The following ATP9B variants were observed in gnomAD, a reference collection of about 807,000 sequenced individuals.
The protein encoded by ATP9B is probable phospholipid-transporting ATPase IIB.
ATP9B carries 110 observed loss-of-function variants against 146.1 expected under a neutral mutation model. That is an observed-to-expected ratio of 0.75 (90% CI 0.65 to 0.88). The LOEUF is 0.88. Ranked by LOEUF, ATP9B falls within the 40% of genes least tolerant of loss-of-function variation. The probability of loss-of-function intolerance (pLI) is 0.00; values close to 1 mark genes in which losing one functional copy is unlikely to be tolerated. For synonymous variants in ATP9B, 604 were observed against 569.7 expected (o/e 1.06, Z -0.86); for missense variants, 1,499 against 1,496.4 (o/e 1.00, Z -0.03).
intron 10 of ATP9B, among the ~76,000 whole-genome samples, chr18:79,212,421 A>G (rs1424579433): frequency 6.6e-6 from 1 of 152,254 alleles, no homozygotes; most frequent in Admixed American, 6.5e-5. Flanking sequence ...CACTTTGCTC[A>G]TCAGTCAACC....
intron 22 of ATP9B, 92 bp downstream of exon 22, chr18:79,345,664 G>A (rs2096882189): frequency 1.3e-6 from 2 of 1,598,814 alleles, no homozygotes; most frequent in Non-Finnish European, 1.7e-6. Context: ...TCTAAAACTA[G>A]ATTGATTTCA....
intron 1 of ATP9B, among the ~76,000 whole-genome samples, chr18:79,084,237 A>G (rs187237271): frequency 7.6e-4 from 116 of 152,068 alleles, no homozygotes; most frequent in African/African-American, 2.7e-3. Flanking sequence ...TGTCCAAAAG[A>G]AAGTTTGTAC....
chr18:79,253,296 T>A (rs2096048357), intron 11 of ATP9B, 85 bp from the exon 12 acceptor site: 6 of 1,246,792 alleles, frequency 4.8e-6, no homozygotes, highest in Non-Finnish European at 6.6e-6. Context: ...GTTTTTTTTT[T>A]ATGTCATCAC....
intron 15 of ATP9B, among the ~76,000 whole-genome samples, chr18:79,313,072 G>A (rs770302445): frequency 1.6e-4 from 24 of 152,212 alleles, no homozygotes; most frequent in Admixed American, 7.9e-4. Context: ...CGATTGTTAA[G>A]CTTCCTTTAG....
chr18:79,178,944 T>C (rs2095216615), intron 8 of ATP9B, among the ~76,000 whole-genome samples: 1 of 152,230 alleles, frequency 6.6e-6, no homozygotes, highest in Admixed American at 6.5e-5. Flanking sequence ...CGTTATTTAT[T>C]TTTTAAATGT....
intron 26 of ATP9B, 97 bp downstream of exon 26, chr18:79,359,559 C>T (rs1188825510): frequency 2.2e-6 from 2 of 914,870 alleles, no homozygotes; most frequent in Non-Finnish European, 3.5e-6. Context: ...CATTTCCAGG[C>T]ATTTTGTGAA....
At chr18:79,093,183 G>A (rs958344747) in intron 1 of ATP9B, among the ~76,000 whole-genome samples, 1 of 152,106 alleles carries the variant, frequency 6.6e-6, no homozygotes, top group African/African-American at 2.4e-5. Flanking sequence ...ATTATGCAGC[G>A]ATTAACTGTT....
At chr18:79,163,770 G>T (rs969574122) in intron 7 of ATP9B, among the ~76,000 whole-genome samples, 1 of 151,470 alleles carries the variant, frequency 6.6e-6, no homozygotes, top group Non-Finnish European at 1.5e-5. Context: ...TATAATATAT[G>T]TCTCTAAAAT....
rs1413577987 is a variant in ATP9B, at chr18:79,113,205, G to C, written c.445-36G>C. 2.4e-6 allele frequency: 3 copies of C among 1,265,340 alleles called. No individual in the cohort carries two copies. The Admixed American group carries it at 6.0e-5, about 25-fold the overall frequency. 78.4% of individuals were successfully genotyped at this position (1,265,340 alleles called of 1,614,324 possible). A position where few individuals can be genotyped will look rare whatever the true frequency, so the allele number is the denominator to read the frequency against. On this transcript the variant is annotated intron_variant, in intron 3 of 29. Coordinates refer to ENST00000426216, the MANE Select transcript of ATP9B (RefSeq NM_198531.5). The stretch of plus-strand genomic sequence containing the variant: ...ATTTAGGTATTAAAATTTTTTCCTT[G>C]AAGGAATTTTGTTAATTTTCTCTTT...
chr18:79,290,300 C>T (rs1353970196), intron 13 of ATP9B, among the ~76,000 whole-genome samples: 2 of 152,208 alleles, frequency 1.3e-5, no homozygotes, highest in African/African-American at 2.4e-5. Context: ...CTTTGTTTAC[C>T]TAAGCAAGCC....
intron 8 of ATP9B, among the ~76,000 whole-genome samples, chr18:79,191,122 C>T (rs771377512): frequency 6.6e-6 from 1 of 152,088 alleles, no homozygotes; most frequent in Non-Finnish European, 1.5e-5. Context: ...AGTCTGCCTT[C>T]CACACCCTCC....
intron 1 of ATP9B, among the ~76,000 whole-genome samples, chr18:79,071,057 T>C (rs1484175479): frequency 6.0e-5 from 9 of 151,154 alleles, no homozygotes; most frequent in South Asian, 2.1e-4. Flanking sequence ...TTCTTTTTTT[T>C]TTTTTTTTTG....
At chr18:79,199,762 GAA>G (rs61015454) in intron 9 of ATP9B, among the ~76,000 whole-genome samples, 53 of 139,566 alleles carry the variant, frequency 3.8e-4, no homozygotes, top group Admixed American at 4.3e-4. Flanking sequence ...GACTACATCT[GAA>G]AAAAAAAAAA....
chr18:79,297,912 T>C (rs1451587677), intron 13 of ATP9B, among the ~76,000 whole-genome samples: 3 of 147,044 alleles, frequency 2.0e-5, no homozygotes, highest in African/African-American at 7.5e-5. Flanking sequence ...ATGACAAATG[T>C]AGCCCTCATT....
chr18:79,177,043 G>A, intron 8 of ATP9B, 136 bp downstream of exon 8: 1 of 706,952 alleles, frequency 1.4e-6, no homozygotes, highest in East Asian at 2.9e-5. Flanking sequence ...TCCTCATGAA[G>A]GTTCATTGAA....
chr18:79,291,314 A>G (rs1410965826), intron 13 of ATP9B, among the ~76,000 whole-genome samples: 1 of 152,128 alleles, frequency 6.6e-6, no homozygotes, highest in African/African-American at 2.4e-5. Flanking sequence ...CCTTTTCCAA[A>G]GCTTCCAATT....
chr18:79,193,291 A>G (rs1169659807), intron 9 of ATP9B, 28 bp downstream of exon 9: 2 of 1,524,464 alleles, frequency 1.3e-6, no homozygotes, highest in Non-Finnish European at 1.8e-6. Flanking sequence ...TTCAATACAA[A>G]TAGAGTTATT....
In ATP9B at chr18:79,169,711, G is replaced by C. The variant is rs532844636; in HGVS notation, c.779-7102G>C. On this transcript the variant is annotated intron_variant, in intron 7 of 29. Transcript: ENST00000426216. ...TTGACCATTATACCGTAGTATTTCA[G>C]CTGCTTTATGCATTAGGTGATCTTT... 1.2e-4 allele frequency among the ~76,000 whole-genome samples: 18 copies of C among 152,204 alleles called. 1 individual carries two copies. The highest frequency in any genetic ancestry group is 4.1e-4 in the African/African-American group (17 of 41,524).
intron 13 of ATP9B, among the ~76,000 whole-genome samples, chr18:79,291,748 C>G (rs781222484): frequency 2.0e-5 from 3 of 152,192 alleles, no homozygotes; most frequent in Non-Finnish European, 4.4e-5. Context: ...GATTGATTAG[C>G]AACGGAAACA....
Sources: allele counts gnomAD v4.1 joint callset (sites outside exome capture counted in the v4.1 genomes callset), GRCh38; gene constraint gnomAD v4.1.1; transcripts MANE v1.5; gene names NCBI Gene and HGNC (gene_info 2026-07-23, HGNC 2026-07-21).